CDC42BPA: variants seen among roughly 807,000 people sequenced by gnomAD.
CDC42BPA encodes the protein CDC42 binding protein kinase alpha.
Under a neutral mutation model 223.5 loss-of-function variants are expected in CDC42BPA, and 80 were observed. The observed-to-expected ratio is 0.36, with a 90% CI of 0.30 to 0.43. The LOEUF is 0.43. CDC42BPA is among the 20% of genes least tolerant of loss of function. The pLI, the probability that CDC42BPA is intolerant of heterozygous loss-of-function variation, is 1.00. For synonymous variants in CDC42BPA, 694 were observed against 718.6 expected (o/e 0.97, Z 0.55); for missense variants, 1,743 against 2,099.9 (o/e 0.83, Z 3.32).
Position 227,318,042 on chromosome 1 carries a change from AT to A in CDC42BPA, c.-861del. ...CTACTTGGCCGCCCGAGCCCACTCC[AT>A]GTCGGTGGTCGCTCGTGGGCCGAGC... is the stretch of plus-strand genomic sequence containing the variant. On this transcript the variant is annotated 5_prime_UTR_variant, in exon 1 of 37. The change abolishes an upstream ATG in the 5' untranslated region. Coordinates refer to ENST00000366766, the MANE Select transcript of CDC42BPA (RefSeq NM_001394014.1). 3.0e-6 allele frequency: 1 copy of A among 330,514 alleles called. No homozygotes were observed. The highest frequency in any genetic ancestry group is 5.4e-6 in the Non-Finnish European group (1 of 183,766). The allele number at this position is 330,514 out of a possible 1,614,324, so 20.5% of individuals were successfully genotyped here.
chr1:227,132,170 C>T (rs964773146), intron 10 of CDC42BPA, among the ~76,000 whole-genome samples: 17 of 152,250 alleles, frequency 1.1e-4, no homozygotes, highest in East Asian at 7.7e-4. Flanking sequence ...TCTCTTTCCA[C>T]GGTCTCCCTC....
intron 21 of CDC42BPA, among the ~76,000 whole-genome samples, chr1:227,067,468 C>A (rs1326636743): frequency 6.6e-6 from 1 of 152,002 alleles, no homozygotes; most frequent in Non-Finnish European, 1.5e-5. Context: ...CTCAAACTTC[C>A]TTCCCTTTCT....
intron 3 of CDC42BPA, 79 bp from the exon 4 acceptor site, chr1:227,199,731 T>C (rs1016723469): frequency 2.8e-6 from 2 of 713,332 alleles, no homozygotes; most frequent in African/African-American, 1.8e-5. Flanking sequence ...ATGTTTATTA[T>C]ATTATTTCTG....
intron 1 of CDC42BPA, among the ~76,000 whole-genome samples, chr1:227,294,689 T>C (rs1349379403): frequency 2.0e-5 from 2 of 98,854 alleles, no homozygotes; most frequent in African/African-American, 8.1e-5. Context: ...TGAAACCCCG[T>C]CTCTACTAAA....
chr1:227,273,535 CAA>C (rs71937451), intron 1 of CDC42BPA, among the ~76,000 whole-genome samples: 2 of 132,200 alleles, frequency 1.5e-5, no homozygotes, highest in Non-Finnish European at 3.3e-5. Flanking sequence ...AACTCTGTCT[CAA>C]AAAAAAAAAA....
intron 21 of CDC42BPA, among the ~76,000 whole-genome samples, chr1:227,060,038 T>A (rs1045221136): frequency 1.4e-5 from 2 of 144,948 alleles, no homozygotes; most frequent in Non-Finnish European, 3.0e-5. Flanking sequence ...TTGTTTTTTT[T>A]TTTTTTTTTT....
In CDC42BPA at chr1:227,070,411, A is replaced by G. The variant is rs61834042; in HGVS notation, c.2828-558T>C. Among the ~76,000 whole-genome samples the G allele has an allele frequency of 6.6e-4, 101 of 152,010 alleles. 1 individual carries two copies. Among genetic ancestry groups the G allele is most frequent in the African/African-American group, 2.2e-3 (91 of 41,554 alleles). The stretch of plus-strand genomic sequence containing the variant: ...CAGATGAATTTTTAAAAATTCATAC[A>G]TATCTCTTGACTATGGCATTAACTT... On this transcript the variant is annotated intron_variant, in intron 20 of 36. Transcript: ENST00000366766.
intron 32 of CDC42BPA, among the ~76,000 whole-genome samples, chr1:227,022,640 C>T (rs915853972): frequency 6.6e-6 from 1 of 152,262 alleles, no homozygotes; most frequent in Admixed American, 6.5e-5. Flanking sequence ...CCCTGACAGG[C>T]AAACAACATT....
At chr1:227,017,623 G>A (rs1434318978) in intron 32 of CDC42BPA, among the ~76,000 whole-genome samples, 2 of 152,164 alleles carry the variant, frequency 1.3e-5, no homozygotes, top group South Asian at 2.1e-4. Flanking sequence ...AGAATCTGTC[G>A]CTATTTTTCC....
Position 227,028,656 on chromosome 1 carries a change from C to A in CDC42BPA, c.4432+1G>T. On this transcript the variant is annotated splice_donor_variant, in intron 30 of 36. Coordinates refer to ENST00000366766, the MANE Select transcript of CDC42BPA (RefSeq NM_001394014.1). LOFTEE classifies it high-confidence loss of function. ...GACAGCCGTAAGAAAGAGAATCTTA[C>A]AACAAGAGGAAGGATTTGCTGGCCA... is the stretch of plus-strand genomic sequence containing the variant. The A allele has an allele frequency of 6.5e-7, 1 of 1,539,104 alleles. No homozygotes were observed.
intron 12 of CDC42BPA, among the ~76,000 whole-genome samples, chr1:227,114,959 A>G (rs1295337327): frequency 6.6e-6 from 1 of 152,118 alleles, no homozygotes; most frequent in Non-Finnish European, 1.5e-5. Context: ...GTAACCACCA[A>G]AAGACTAGAG....
chr1:227,317,117 A>G lies in CDC42BPA; in HGVS notation c.66T>C (p.Asn22=), dbSNP rs751067946. ...ATGTCTCCACACTGAAGCACTGCCC[A>G]TTGGTCTGAGCGGGCCCGTCCAAAA... ...QFILDGPAQT[N]GQCFSVETLL... Residue 22 remains asparagine, a synonymous_variant, in exon 1 of 37, where the codon AAT becomes AAC. Coordinates refer to ENST00000366766, the MANE Select transcript of CDC42BPA (RefSeq NM_001394014.1). The G allele has an allele frequency of 1.2e-6, 2 of 1,614,042 alleles. No homozygotes were observed. The highest frequency in any genetic ancestry group is 3.3e-5 in the Admixed American group (2 of 60,014).
chr1:227,252,593 A>C (rs58489467), intron 2 of CDC42BPA, among the ~76,000 whole-genome samples: 22,799 of 152,186 alleles, frequency 0.15, 2,075 homozygotes, highest in African/African-American at 0.24. Flanking sequence ...TAGGAAAATT[A>C]CAGGCCAATT....
At chr1:227,246,798 G>A (rs1681048570) in intron 2 of CDC42BPA, among the ~76,000 whole-genome samples, 1 of 152,114 alleles carries the variant, frequency 6.6e-6, no homozygotes, top group Non-Finnish European at 1.5e-5. Context: ...ACATCTAAAA[G>A]CATCAACACT....
intron 1 of CDC42BPA, among the ~76,000 whole-genome samples, chr1:227,311,719 C>A (rs1248082044): frequency 6.9e-6 from 1 of 145,242 alleles, no homozygotes; most frequent in Non-Finnish European, 1.5e-5. Context: ...TAAAAATACC[C>A]AATCATAAAA....
intron 23 of CDC42BPA, among the ~76,000 whole-genome samples, chr1:227,042,284 C>T (rs1231204143): frequency 2.4e-5 from 2 of 84,618 alleles, no homozygotes; most frequent in African/African-American, 1.0e-4. Flanking sequence ...CCGAATTGCA[C>T]ATATACATAT....
At chr1:227,260,435 C>G (rs1340920619) in intron 1 of CDC42BPA, among the ~76,000 whole-genome samples, 1 of 150,992 alleles carries the variant, frequency 6.6e-6, no homozygotes, top group Non-Finnish European at 1.5e-5. Context: ...CTCTGTGTAG[C>G]CCAAGATCCA....
At chr1:227,283,610 G>A (rs1219876063) in intron 1 of CDC42BPA, among the ~76,000 whole-genome samples, 3 of 152,048 alleles carry the variant, frequency 2.0e-5, no homozygotes, top group Non-Finnish European at 4.4e-5. Context: ...AAAAAAACTC[G>A]AGACTCCAAA....
chr1:227,297,565 A>G (rs1690860995), intron 1 of CDC42BPA, among the ~76,000 whole-genome samples: 1 of 152,194 alleles, frequency 6.6e-6, no homozygotes, highest in Non-Finnish European at 1.5e-5. Context: ...ACAGATAAAC[A>G]GAATGTGGTA....
Sources: gnomAD v4.1 joint callset for allele counts (sites outside exome capture counted in the v4.1 genomes callset) on GRCh38, gnomAD v4.1.1 for gene constraint, MANE v1.5 for transcripts, NCBI Gene and HGNC (gene_info 2026-07-23, HGNC 2026-07-21) for gene names.